DNAJC1: variants seen among roughly 807,000 people sequenced by gnomAD.
The protein encoded by DNAJC1 is DnaJ heat shock protein family (Hsp40) member C1, also known as dnaJ homolog subfamily C member 1.
Under a neutral mutation model 76.6 loss-of-function variants are expected in DNAJC1, and 58 were observed. The ratio of observed to expected loss-of-function variants is 0.76; its 90% CI spans 0.61 to 0.94. The LOEUF (loss-of-function observed/expected upper bound fraction) is 0.94. DNAJC1 is among the 40% of genes least tolerant of loss of function. The probability of loss-of-function intolerance (pLI) is 0.00; values close to 1 mark genes in which losing one functional copy is unlikely to be tolerated. For synonymous variants in DNAJC1, 258 were observed against 267.9 expected, an observed-to-expected ratio of 0.96 and a Z score of 0.36; for missense variants, 689 against 677.3, an observed-to-expected ratio of 1.02 and a Z score of -0.19.
At chr10:21,908,147 ATATAT>A (rs1836784371) in intron 6 of DNAJC1, among the ~76,000 whole-genome samples, 1 of 109,334 alleles carries the variant, frequency 9.1e-6, no homozygotes, top group Admixed American at 1.4e-4. Context: ...AAAATATATA[ATATAT>A]AATATATAAA....
intron 8 of DNAJC1, among the ~76,000 whole-genome samples, chr10:21,878,199 C>T (rs1836218872): frequency 6.6e-6 from 1 of 152,122 alleles, no homozygotes; most frequent in African/African-American, 2.4e-5. Context: ...CAGTATTTTA[C>T]TAAACATGAT....
At chr10:21,827,967 T>A (rs1450129495) in intron 8 of DNAJC1, among the ~76,000 whole-genome samples, 3 of 152,220 alleles carry the variant, frequency 2.0e-5, no homozygotes, top group Non-Finnish European at 4.4e-5. Context: ...AGGTGGAATT[T>A]CTGACAGGAT....
chr10:21,756,653 G>C lies in DNAJC1; in HGVS notation c.*34C>G. The C allele has an allele frequency of 6.6e-7, 1 of 1,516,846 alleles. No individual in the cohort carries two copies. The highest frequency in any genetic ancestry group is 9.1e-7 in the Non-Finnish European group (1 of 1,093,010). 94.0% of individuals were successfully genotyped at this position (1,516,846 alleles called of 1,614,324 possible). A position where few individuals can be genotyped will look rare whatever the true frequency, so the allele number is the denominator to read the frequency against. ...ATAAGATTTTTAAGATATTCATTTT[G>C]GAAAATGAAGGTGAACATCATCTCC... is the stretch of plus-strand genomic sequence containing the variant. On this transcript the variant is annotated 3_prime_UTR_variant, in exon 12 of 12. Coordinates refer to ENST00000376980, the MANE Select transcript of DNAJC1 (RefSeq NM_022365.4).
At chr10:21,813,052 CATATATATACATATAT>C (rs201104277) in intron 8 of DNAJC1, among the ~76,000 whole-genome samples, 12 of 112,702 alleles carry the variant, frequency 1.1e-4, no homozygotes, top group African/African-American at 2.5e-4. Context: ...CACACACACA[CATATATATACATATAT>C]ACATATATAT....
At chr10:21,816,671 G>A (rs1835082675) in intron 8 of DNAJC1, among the ~76,000 whole-genome samples, 1 of 149,640 alleles carries the variant, frequency 6.7e-6, no homozygotes, top group South Asian at 2.1e-4. Context: ...TCAGGCTCCC[G>A]AGTAGCTGGA....
chr10:21,876,537 T>C (rs1836190619), intron 8 of DNAJC1, among the ~76,000 whole-genome samples: 1 of 152,208 alleles, frequency 6.6e-6, no homozygotes, highest in African/African-American at 2.4e-5. Flanking sequence ...ATATCTCAGC[T>C]GAATAATTTG....
chr10:21,818,128 A>C (rs905704821), intron 8 of DNAJC1, among the ~76,000 whole-genome samples: 5 of 152,306 alleles, frequency 3.3e-5, no homozygotes, highest in Admixed American at 3.3e-4. Context: ...TTCAAAAGCA[A>C]ATGGGAGAAA....
chr10:21,844,595 T>C (rs1350452571), intron 8 of DNAJC1, among the ~76,000 whole-genome samples: 3 of 152,194 alleles, frequency 2.0e-5, no homozygotes, highest in Non-Finnish European at 2.9e-5. Context: ...TTTGATCCTA[T>C]TAATCATTTT....
rs138673975 is a variant in DNAJC1 at position 21,827,210 on chromosome 10, T to C, written c.979-21111A>G. 3.9e-5 allele frequency among the ~76,000 whole-genome samples: 6 copies of C among 152,330 alleles called. No homozygotes were observed. The East Asian group carries it at 1.2e-3, about 29-fold the overall frequency. ...AGTCACTTTGTCCAGTTACTACCAC[T>C]TGCTTACTGGAGGTCAGTTTCCTCC... On this transcript the variant is annotated intron_variant, in intron 8 of 11. Transcript: ENST00000376980.
chr10:21,843,121 A>G (rs990560858), intron 8 of DNAJC1, among the ~76,000 whole-genome samples: 2 of 152,212 alleles, frequency 1.3e-5, no homozygotes, highest in Non-Finnish European at 2.9e-5. Context: ...ATTATTTGGA[A>G]TTGAGGAAAA....
At chr10:21,985,353 G>A (rs1218039296) in intron 1 of DNAJC1, among the ~76,000 whole-genome samples, 3 of 150,540 alleles carry the variant, frequency 2.0e-5, no homozygotes, top group Non-Finnish European at 4.4e-5. Context: ...AGGTTCAAAC[G>A]ATTCTCCTGC....
intron 1 of DNAJC1, among the ~76,000 whole-genome samples, chr10:21,946,047 CTCTT>C (rs1320762176): frequency 4.0e-5 from 4 of 99,068 alleles, no homozygotes; most frequent in Non-Finnish European, 5.8e-5. Context: ...CTTTCTTTTC[CTCTT>C]TTTTTTTTTT....
At chr10:21,844,424 G>T (rs553061121) in intron 8 of DNAJC1, among the ~76,000 whole-genome samples, 1 of 152,148 alleles carries the variant, frequency 6.6e-6, no homozygotes. Context: ...ACTGTCATTG[G>T]ACAGTACTTC....
At chr10:21,995,235 T>C (rs1838397343) in intron 1 of DNAJC1, among the ~76,000 whole-genome samples, 1 of 152,190 alleles carries the variant, frequency 6.6e-6, no homozygotes, top group Non-Finnish European at 1.5e-5. Flanking sequence ...AAGAAGTTTC[T>C]ACCTTCCTCA....
chr10:21,772,201 T>C (rs1204157896), intron 9 of DNAJC1, among the ~76,000 whole-genome samples: 2 of 151,974 alleles, frequency 1.3e-5, no homozygotes, highest in Admixed American at 6.6e-5. Flanking sequence ...AGTTTTCTTG[T>C]GATGTCTTTG....
chr10:21,941,093 T>TAAAA (rs1837401526), intron 1 of DNAJC1, among the ~76,000 whole-genome samples: 1 of 31,936 alleles, frequency 3.1e-5, no homozygotes, highest in Non-Finnish European at 6.7e-5. Context: ...CTACTAAAAA[T>TAAAA]ACAAAAAAAA....
chr10:21,956,801 C>T (rs1037721663), intron 1 of DNAJC1, among the ~76,000 whole-genome samples: 1 of 138,382 alleles, frequency 7.2e-6, no homozygotes, highest in African/African-American at 2.8e-5. Context: ...AGTTAAAAGC[C>T]TCCAACAGTT....
intron 8 of DNAJC1, among the ~76,000 whole-genome samples, chr10:21,858,082 C>T (rs1835867231): frequency 6.6e-6 from 1 of 152,002 alleles, no homozygotes; most frequent in South Asian, 2.1e-4. Context: ...ATTTAAAATT[C>T]AGAGATATAT....
intron 9 of DNAJC1, among the ~76,000 whole-genome samples, chr10:21,769,848 G>A (rs1046949482): frequency 1.3e-5 from 2 of 152,042 alleles, no homozygotes; most frequent in Admixed American, 6.6e-5. Flanking sequence ...CACCACGCCA[G>A]GCTAATTTTG....
Sources: gnomAD v4.1 joint callset for allele counts (sites outside exome capture counted in the v4.1 genomes callset) on GRCh38, gnomAD v4.1.1 for gene constraint, MANE v1.5 for transcripts, NCBI Gene and HGNC (gene_info 2026-07-23, HGNC 2026-07-21) for gene names.